MICA: variants seen among roughly 807,000 people sequenced by gnomAD.
MICA encodes HLA class I antigen.
MICA carries 18 observed loss-of-function variants against 34.3 expected under a neutral mutation model. The ratio of observed to expected loss-of-function variants is 0.52; its 90% CI spans 0.36 to 0.78. The LOEUF is 0.78. MICA is among the 30% of genes least tolerant of loss of function. MICA has a pLI of 0.00. For synonymous variants in MICA, 135 were observed against 156.9 expected (o/e 0.86, Z 1.04); for missense variants, 333 against 409.4 (o/e 0.81, Z 1.61).
chr6:31,405,462 A>G (rs1770699987), intron 1 of MICA, among the ~76,000 whole-genome samples: 1 of 151,550 alleles, frequency 6.6e-6, no homozygotes, highest in Non-Finnish European at 1.5e-5. Flanking sequence ...GTATATATTT[A>G]TGGGGTACAT....
intron 1 of MICA, among the ~76,000 whole-genome samples, chr6:31,406,454 T>A (rs1770755753): frequency 6.6e-6 from 1 of 151,920 alleles, no homozygotes; most frequent in Non-Finnish European, 1.5e-5. Context: ...TTTCAGTTAC[T>A]GATCCTTTGT....
rs1257952549 is a variant in MICA at position 31,403,606 on chromosome 6, C to T, written c.-27C>T. The stretch of plus-strand genomic sequence containing the variant: ...CCTTCTCCCCGGCCACTGCTTGAGC[C>T]GCTGAGAGGGTGGCGACGTCGGGGC... On this transcript the variant is annotated 5_prime_UTR_variant, in exon 1 of 6. Coordinates refer to ENST00000449934, the MANE Select transcript of MICA (RefSeq NM_001177519.3). The surrounding 1 kb of genome is among the most constrained non-coding windows in gnomAD (Gnocchi z 4.7). 14 of 1,486,698 alleles carry T rather than the reference C, an allele frequency of 9.4e-6. No individual in the cohort carries two copies. The highest frequency in any genetic ancestry group is 1.2e-5 in the Non-Finnish European group (14 of 1,121,290). 92.1% of individuals were successfully genotyped at this position (1,486,698 alleles called of 1,614,324 possible).
At position 31,403,787 on chromosome 6, in the gene MICA, C is replaced by G; in HGVS notation, c.70+85C>G. On this transcript the variant is annotated intron_variant, in intron 1 of 5. Coordinates refer to ENST00000449934, the MANE Select transcript of MICA (RefSeq NM_001177519.3). This position sits in a 1 kb window ranked among gnomAD's most constrained non-coding sequence, Gnocchi z 4.7. ...CGGGTGGGTAGCGGCGAGCGCTGTGCGGTCAGGGCGGGGCTCCTGTGCCCT... is the reference window on the plus strand; with the variant it reads ...CGGGTGGGTAGCGGCGAGCGCTGTGGGGTCAGGGCGGGGCTCCTGTGCCCT... 1.5e-6 allele frequency: 2 copies of G among 1,302,676 alleles called. No individual in the cohort carries two copies. The highest frequency in any genetic ancestry group is 2.1e-6 in the Non-Finnish European group (2 of 958,926). 80.7% of individuals were successfully genotyped at this position (1,302,676 alleles called of 1,614,324 possible).
chr6:31,412,232 C>T lies in MICA; in HGVS notation c.892+7C>T. On this transcript the variant is annotated splice_region_variant and intron_variant, in intron 4 of 5. Transcript: ENST00000449934. ...ACTCACCCTGTGCCCTCTGGTGAGC[C>T]TAGGGTGACCCTGGAGAGGGTCAGG... is the stretch of plus-strand genomic sequence containing the variant. 1 of 1,607,554 alleles carries T rather than the reference C, an allele frequency of 6.2e-7. No individual in the cohort carries two copies. Among genetic ancestry groups the T allele is most frequent in the East Asian group, 2.2e-5 (1 of 44,764 alleles).
intron 5 of MICA, among the ~76,000 whole-genome samples, chr6:31,412,771 AGGTGGG>A (rs1486122533): frequency 6.6e-6 from 1 of 151,592 alleles, no homozygotes; most frequent in Non-Finnish European, 1.5e-5. Context: ...GGGCGCATCC[AGGTGGG>A]GTGAGCTGGG....
chr6:31,403,327 G>A (rs541799731), upstream of MICA, among the ~76,000 whole-genome samples: 28 of 151,978 alleles, frequency 1.8e-4, no homozygotes, highest in African/African-American at 6.5e-4. The surrounding 1 kb of genome is among the most constrained non-coding windows in gnomAD (Gnocchi z 4.7). Flanking sequence ...GGCCCTGGCC[G>A]TGCTTATGAA....
chr6:31,414,825 A>G (rs1771419777), intron 5 of MICA, among the ~76,000 whole-genome samples, 187 bp from the exon 6 acceptor site: 1 of 151,692 alleles, frequency 6.6e-6, no homozygotes, highest in Non-Finnish European at 1.5e-5. Flanking sequence ...ATGTTGATGG[A>G]GTGATGGGAG....
At chr6:31,408,144 A>G (rs1770846358) in intron 1 of MICA, among the ~76,000 whole-genome samples, 1 of 151,982 alleles carries the variant, frequency 6.6e-6, no homozygotes, top group Non-Finnish European at 1.5e-5. Context: ...GACGTATTAC[A>G]TTGATTGATT....
chr6:31,403,759 G>T lies in MICA; in HGVS notation c.70+57G>T. 1 of 1,483,656 alleles carries T rather than the reference G, an allele frequency of 6.7e-7. No homozygotes were observed. 91.9% of individuals were successfully genotyped at this position (1,483,656 alleles called of 1,614,324 possible). On this transcript the variant is annotated intron_variant, in intron 1 of 5. Transcript: ENST00000449934. The surrounding 1 kb of genome is among the most constrained non-coding windows in gnomAD (Gnocchi z 4.7). Reference sequence around the variant, plus strand: ...GCGGGAGCAGTGGGACGTTTCCGGGGGTCGGGTGGGTAGCGGCGAGCGCTG... The same window carrying T: ...GCGGGAGCAGTGGGACGTTTCCGGGTGTCGGGTGGGTAGCGGCGAGCGCTG...
intron 5 of MICA, among the ~76,000 whole-genome samples, chr6:31,413,956 G>A (rs7774586): frequency 0.32 from 48,536 of 151,772 alleles, 8,330 homozygotes; most frequent in African/African-American, 0.4. Context: ...CTAATATTGT[G>A]AAGCATATTA....
At chr6:31,404,139 C>T (rs1056278214) in intron 1 of MICA, among the ~76,000 whole-genome samples, 1 of 151,656 alleles carries the variant, frequency 6.6e-6, no homozygotes, top group South Asian at 2.1e-4. Context: ...CCGGAGCCGA[C>T]GTGTTCTCAG....
chr6:31,409,696 T>G (rs1202793561), intron 1 of MICA, among the ~76,000 whole-genome samples: 1 of 151,930 alleles, frequency 6.6e-6, no homozygotes, highest in African/African-American at 2.4e-5. Context: ...TCCTATGTCA[T>G]GAACATTATC....
At chr6:31,406,067 G>T (rs1933451435) in intron 1 of MICA, among the ~76,000 whole-genome samples, 1 of 151,828 alleles carries the variant, frequency 6.6e-6, no homozygotes, top group African/African-American at 2.4e-5. Flanking sequence ...CCTAACAGTG[G>T]GAGTGCTGGA....
intron 5 of MICA, among the ~76,000 whole-genome samples, chr6:31,413,805 G>A (rs1234685248): frequency 6.6e-6 from 1 of 151,960 alleles, no homozygotes; most frequent in Admixed American, 6.6e-5. Context: ...GGCAGGAATG[G>A]TTTCCTCATA....
chr6:31,401,811 T>A (rs1770446399), upstream of MICA, among the ~76,000 whole-genome samples: 1 of 151,822 alleles, frequency 6.6e-6, no homozygotes, highest in Non-Finnish European at 1.5e-5. Context: ...CAACCTGGGT[T>A]TACTGATTTA....
intron 1 of MICA, 101 bp from the exon 2 acceptor site, chr6:31,410,442 T>C: frequency 7.3e-6 from 10 of 1,362,156 alleles, no homozygotes; most frequent in Non-Finnish European, 9.8e-6. Context: ...CCCGTGTGCA[T>C]TTCCTGCCCC....
intron 5 of MICA, among the ~76,000 whole-genome samples, chr6:31,412,740 CTG>C (rs2113764411): frequency 6.6e-6 from 1 of 152,008 alleles, no homozygotes; most frequent in Non-Finnish European, 1.5e-5. Flanking sequence ...ATCCCGGTCT[CTG>C]TGTCTCTTGA....
In MICA at chr6:31,411,890, C is replaced by T; in HGVS notation, c.614-57C>T. 6.4e-7 allele frequency: 1 copy of T among 1,567,838 alleles called. No individual in the cohort carries two copies. The highest frequency in any genetic ancestry group is 8.6e-7 in the Non-Finnish European group (1 of 1,158,076). ...AACAGTGAAGAGAAACAGCCCTGTTCCTCTCCCCTCCTTAGAGGGGAGCAG... is the reference window on the plus strand; with the variant it reads ...AACAGTGAAGAGAAACAGCCCTGTTTCTCTCCCCTCCTTAGAGGGGAGCAG... On this transcript the variant is annotated intron_variant, in intron 3 of 5. Transcript: ENST00000449934. The surrounding 1 kb of genome is among the most constrained non-coding windows in gnomAD (Gnocchi z 4.3).
At chr6:31,414,433 G>A (rs1771394394) in intron 5 of MICA, among the ~76,000 whole-genome samples, 1 of 152,050 alleles carries the variant, frequency 6.6e-6, no homozygotes, top group African/African-American at 2.4e-5. Flanking sequence ...GCAAGGTGGG[G>A]GTCCCAGGGT....
Sources: allele counts gnomAD v4.1 joint callset (sites outside exome capture counted in the v4.1 genomes callset), GRCh38; gene constraint gnomAD v4.1.1; non-coding constraint Gnocchi (gnomAD v3.1); transcripts MANE v1.5; gene names NCBI Gene and HGNC (gene_info 2026-07-23, HGNC 2026-07-21).